CRYBG3: variants seen among roughly 807,000 people sequenced by gnomAD.
CRYBG3 encodes crystallin beta-gamma domain containing 3, also known as very large A-kinase anchor protein.
A neutral mutation model predicts 244.2 loss-of-function variants in CRYBG3; 127 were observed. That is an observed-to-expected ratio of 0.52 (90% CI 0.45 to 0.60). The LOEUF (loss-of-function observed/expected upper bound fraction) is 0.60. CRYBG3 is among the 20% of genes least tolerant of loss of function. CRYBG3 has a pLI of 0.00. For synonymous variants in CRYBG3, 1,132 were observed against 1,195.8 expected, an observed-to-expected ratio of 0.95 and a Z score of 1.10; for missense variants, 3,325 against 3,442.5, an observed-to-expected ratio of 0.97 and a Z score of 0.85.
At chr3:97,907,048 T>G (rs2039784174) in intron 15 of CRYBG3, among the ~76,000 whole-genome samples, 2 of 152,100 alleles carry the variant, frequency 1.3e-5, no homozygotes, top group African/African-American at 4.8e-5. Context: ...TGGATTACAT[T>G]TATTGATTTG....
intron 17 of CRYBG3, among the ~76,000 whole-genome samples, chr3:97,920,747 C>A (rs1184908631): frequency 1.3e-5 from 2 of 152,166 alleles, no homozygotes; most frequent in Non-Finnish European, 2.9e-5. Flanking sequence ...CCAGGCTGTT[C>A]TCAAACTCCT....
intron 2 of CRYBG3, among the ~76,000 whole-genome samples, chr3:97,853,372 G>T (rs2039016077): frequency 6.7e-6 from 1 of 149,352 alleles, no homozygotes; most frequent in South Asian, 2.1e-4. Flanking sequence ...GTATTCCACA[G>T]TATATGTACA....
At chr3:97,878,260 A>G (rs1424380661) in intron 4 of CRYBG3, among the ~76,000 whole-genome samples, 1 of 151,980 alleles carries the variant, frequency 6.6e-6, no homozygotes, top group East Asian at 1.9e-4. Flanking sequence ...AATAAAAAAT[A>G]ATTAGCCGGG....
At chr3:97,861,411 C>T (rs888542770) in intron 2 of CRYBG3, among the ~76,000 whole-genome samples, 5 of 152,120 alleles carry the variant, frequency 3.3e-5, no homozygotes, top group African/African-American at 7.2e-5. Context: ...TTGTAAGCTC[C>T]TTGAAGACCT....
intron 12 of CRYBG3, among the ~76,000 whole-genome samples, chr3:97,897,660 A>G (rs1432859529): frequency 6.6e-6 from 1 of 152,182 alleles, no homozygotes; most frequent in African/African-American, 2.4e-5. Flanking sequence ...GATGAAGTAA[A>G]AGGCTTATTA....
chr3:97,935,257 A>G (rs1016718994), intron 18 of CRYBG3, among the ~76,000 whole-genome samples: 5 of 152,048 alleles, frequency 3.3e-5, no homozygotes, highest in Non-Finnish European at 7.4e-5. Context: ...AATTAGGTAC[A>G]TTTTCCTAAA....
At chr3:97,824,668 G>A (rs1229535460) in intron 1 of CRYBG3, among the ~76,000 whole-genome samples, 1 of 152,178 alleles carries the variant, frequency 6.6e-6, no homozygotes, top group Non-Finnish European at 1.5e-5. Context: ...ATTAAAGAAG[G>A]CCTATTAGCA....
chr3:97,889,009 A>G (rs996930627), intron 9 of CRYBG3, among the ~76,000 whole-genome samples: 14 of 152,228 alleles, frequency 9.2e-5, no homozygotes, highest in Admixed American at 6.5e-5. Flanking sequence ...TTTACTAGCA[A>G]TACCACTTTT....
In CRYBG3 at chr3:97,898,943, G is replaced by T; in HGVS notation, c.7762G>T (p.Asp2588Tyr). The change falls in exon 13 of 22, where the codon GAC becomes TAC. Residue 2588 changes from aspartate (D) to tyrosine (Y), a missense_variant. Transcript: ENST00000389622. ...TGACCTAGAAAGTGGGAAGTTTATT[G>T]ACATTACAAATCAGGAAATTTCTGA... ...ESDLESGKFIDITNQEISDLE... is the reference protein window; with the variant it reads ...ESDLESGKFIYITNQEISDLE... 1.2e-6 allele frequency: 2 copies of T among 1,610,414 alleles called. No homozygotes were observed. Among genetic ancestry groups the T allele is most frequent in the South Asian group, 2.2e-5 (2 of 90,596 alleles).
At chr3:97,901,264 G>A (rs6793518) in intron 15 of CRYBG3, among the ~76,000 whole-genome samples, 81 of 152,240 alleles carry the variant, frequency 5.3e-4, no homozygotes, top group African/African-American at 1.8e-3. Context: ...ACATTGTTTC[G>A]TTTTATTTTA....
rs755936350 is a variant in CRYBG3 at position 97,877,727 on chromosome 3, C to T, written c.6533C>T (p.Pro2178Leu). 1.2e-5 allele frequency: 20 copies of T among 1,614,052 alleles called. No individual in the cohort carries two copies. The East Asian group carries it at 3.3e-4, about 27-fold the overall frequency. The change falls in exon 4 of 22, where the codon CCT becomes CTT. Residue 2178 changes from proline to leucine, a missense_variant. Pro to Leu is a moderately conservative substitution (Grantham distance 98). Transcript: ENST00000389622. ...CGTGTTACCTTCCAGTTGCCAGATC[C>T]TTCCATCACATTTTACCCTGATGAC... ...GERVTFQLPDPSITFYPDDQE... is the reference protein window; with the variant it reads ...GERVTFQLPDLSITFYPDDQE...
At chr3:97,848,915 G>A (rs1300222900) in intron 2 of CRYBG3, among the ~76,000 whole-genome samples, 1 of 152,210 alleles carries the variant, frequency 6.6e-6, no homozygotes, top group Non-Finnish European at 1.5e-5. Context: ...GGAATGATTT[G>A]CCTGGAGCTT....
chr3:97,900,757 T>C (rs950478134), intron 15 of CRYBG3, among the ~76,000 whole-genome samples: 4 of 152,216 alleles, frequency 2.6e-5, no homozygotes, highest in Non-Finnish European at 5.9e-5. Flanking sequence ...CACTCTTTCT[T>C]TCCCATCGTC....
At chr3:97,898,190 A>T (rs972802630) in intron 12 of CRYBG3, among the ~76,000 whole-genome samples, 1 of 151,858 alleles carries the variant, frequency 6.6e-6, no homozygotes, top group Non-Finnish European at 1.5e-5. Context: ...ATTGCACTCC[A>T]GCCTGGGCAA....
intron 11 of CRYBG3, 52 bp downstream of exon 11, chr3:97,893,045 G>T: frequency 6.7e-7 from 1 of 1,494,654 alleles, no homozygotes; most frequent in Non-Finnish European, 9.1e-7. Context: ...TTGAAGGTCA[G>T]CACAAAAATG....
chr3:97,894,525 G>A (rs2039617962), intron 11 of CRYBG3, among the ~76,000 whole-genome samples: 2 of 151,990 alleles, frequency 1.3e-5, no homozygotes, highest in Non-Finnish European at 2.9e-5. Context: ...TAAAACTAAT[G>A]TTTCTTAACT....
chr3:97,908,837 T>C (rs922846242), intron 15 of CRYBG3, among the ~76,000 whole-genome samples: 2 of 152,236 alleles, frequency 1.3e-5, no homozygotes, highest in African/African-American at 4.8e-5. Context: ...AGTTTCTTCC[T>C]AGTCTGGATG....
chr3:97,839,357 T>G (rs550012582), intron 1 of CRYBG3, among the ~76,000 whole-genome samples: 200 of 152,268 alleles, frequency 1.3e-3, no homozygotes, highest in African/African-American at 4.6e-3. Context: ...GAGTATTCAC[T>G]GTTTTTGAGT....
intron 16 of CRYBG3, among the ~76,000 whole-genome samples, chr3:97,912,817 C>T (rs993736002): frequency 3.3e-5 from 5 of 151,894 alleles, no homozygotes; most frequent in South Asian, 4.2e-4. Flanking sequence ...ATATTTTTCA[C>T]GTGTATATGA....
Sources: allele counts gnomAD v4.1 joint callset (sites outside exome capture counted in the v4.1 genomes callset), GRCh38; gene constraint gnomAD v4.1.1; transcripts MANE v1.5; gene names NCBI Gene and HGNC (gene_info 2026-07-23, HGNC 2026-07-21).